The following CACNA1C variants were observed in gnomAD, a reference collection of about 807,000 sequenced individuals.
The protein encoded by CACNA1C is calcium voltage-gated channel subunit alpha1 C.
In CACNA1C, 30 loss-of-function variants were observed where a neutral mutation model predicts 229.0. That is an observed-to-expected ratio of 0.13 (90% CI 0.10 to 0.18). The LOEUF (loss-of-function observed/expected upper bound fraction) is 0.18. Among genes scored for constraint, CACNA1C ranks in the 10% least tolerant of loss-of-function variants. CACNA1C has a pLI of 1.00. For synonymous variants in CACNA1C, 1,114 were observed against 1,132.5 expected (o/e 0.98, Z 0.33); for missense variants, 1,658 against 2,845.0 (o/e 0.58, Z 9.49).
At chr12:2,268,550 C>A (rs1301332773) in intron 3 of CACNA1C, among the ~76,000 whole-genome samples, 1 of 152,084 alleles carries the variant, frequency 6.6e-6, no homozygotes, top group Non-Finnish European at 1.5e-5. Flanking sequence ...AGGTCACATT[C>A]GCCCCATGGT....
intron 1 of CACNA1C, among the ~76,000 whole-genome samples, chr12:2,036,351 G>T (rs2049137523): frequency 6.6e-6 from 1 of 152,162 alleles, no homozygotes; most frequent in Non-Finnish European, 1.5e-5. Context: ...ATCATCTATT[G>T]CACAGAAAAG....
intron 3 of CACNA1C, among the ~76,000 whole-genome samples, chr12:2,121,528 G>A (rs1026144003): frequency 6.6e-6 from 1 of 152,232 alleles, no homozygotes; most frequent in Non-Finnish European, 1.5e-5. Flanking sequence ...CCGCCTGCGG[G>A]CTGTGGTGTC....
At chr12:2,436,511 G>A (rs562614751) in intron 3 of CACNA1C, among the ~76,000 whole-genome samples, 46 of 152,316 alleles carry the variant, frequency 3.0e-4, no homozygotes, top group African/African-American at 9.9e-4. Context: ...TTGGCTGGGG[G>A]TTTGGGCTGA....
chr12:2,622,337 A>G (rs2083719854), intron 29 of CACNA1C, among the ~76,000 whole-genome samples: 1 of 152,084 alleles, frequency 6.6e-6, no homozygotes, highest in East Asian at 1.9e-4. Context: ...CTTGGAAACC[A>G]CAGGGATGGG....
At position 2,605,896 on chromosome 12, in the gene CACNA1C, G is replaced by A. The variant is rs569532012; in HGVS notation, c.3156+110G>A. Reference sequence around the variant, plus strand: ...CGAGACAGTGTCCTGAGCCAGACTTGGCTTGGATATAACCTCCACCTGCAG... The same window carrying A: ...CGAGACAGTGTCCTGAGCCAGACTTAGCTTGGATATAACCTCCACCTGCAG... On this transcript the variant is annotated intron_variant, in intron 24 of 46. Coordinates refer to ENST00000399655, the MANE Select transcript of CACNA1C (RefSeq NM_000719.7). This position sits in a 1 kb window ranked among gnomAD's most constrained non-coding sequence, Gnocchi z 6.2. 4.2e-4 allele frequency: 328 copies of A among 779,626 alleles called. 1 individual carries two copies. The Middle Eastern group carries it at 9.2e-3, about 22-fold the overall frequency. 48.3% of individuals were successfully genotyped at this position (779,626 alleles called of 1,614,324 possible).
At position 2,319,727 on chromosome 12, in the gene CACNA1C, G is replaced by A. The variant is rs2095877615; in HGVS notation, c.478-129249G>A. ...TGTCTGCAAATGTTGGTGCTCACGG[G>A]GGTGTGCTGGGCCGGGAGAGGATGA... On this transcript the variant is annotated intron_variant, in intron 3 of 46. Coordinates refer to ENST00000399655, the MANE Select transcript of CACNA1C (RefSeq NM_000719.7). This position sits in a 1 kb window ranked among gnomAD's most constrained non-coding sequence, Gnocchi z 4.0. 6.6e-6 allele frequency among the ~76,000 whole-genome samples: 1 copy of A among 152,112 alleles called. No individual in the cohort carries two copies.
chr12:2,311,676 A>AGT (rs1236477773), intron 3 of CACNA1C, among the ~76,000 whole-genome samples: 2 of 152,202 alleles, frequency 1.3e-5, no homozygotes, highest in African/African-American at 4.8e-5. Context: ...CAGAAATACA[A>AGT]GTGTGCCCTT....
intron 3 of CACNA1C, among the ~76,000 whole-genome samples, chr12:2,382,961 G>T (rs142690314): frequency 1.3e-5 from 2 of 152,252 alleles, no homozygotes; most frequent in East Asian, 3.9e-4. Flanking sequence ...TTAGCTCTGG[G>T]CTCAGCAGGC....
intron 39 of CACNA1C, among the ~76,000 whole-genome samples, chr12:2,675,160 C>T (rs143265896): frequency 3.9e-5 from 6 of 152,226 alleles, no homozygotes; most frequent in African/African-American, 1.4e-4. Context: ...TTACTATGAT[C>T]CTGAATGAAA....
intron 1 of CACNA1C, among the ~76,000 whole-genome samples, chr12:2,090,503 A>G (rs1366327337): frequency 6.6e-6 from 1 of 151,858 alleles, no homozygotes; most frequent in African/African-American, 2.4e-5. Flanking sequence ...TTCTTAGTAG[A>G]GACAGGGTTT....
rs764411892 is a variant in CACNA1C, at chr12:2,493,317, C to T, written c.1044C>T (p.Asn348=). The change falls in exon 7 of 47, where the codon AAC becomes AAT. Residue 348 remains asparagine, a synonymous_variant. Coordinates refer to ENST00000399655, the MANE Select transcript of CACNA1C (RefSeq NM_000719.7). The surrounding 1 kb of genome is among the most constrained non-coding windows in gnomAD (Gnocchi z 4.6). ...AGCACGGCATCACCAACTTTGACAA[C>T]TTTGCCTTCGCCATGCTCACGGTGT... ...GPKHGITNFD[N]FAFAMLTVFQ... is the part of the protein sequence containing the mutation. 1.2e-6 allele frequency: 2 copies of T among 1,614,144 alleles called. No individual in the cohort carries two copies. The highest frequency in any genetic ancestry group is 1.7e-6 in the Non-Finnish European group (2 of 1,179,980).
chr12:2,204,971 CAAAA>C (rs1001449430), intron 3 of CACNA1C, among the ~76,000 whole-genome samples: 12 of 148,422 alleles, frequency 8.1e-5, no homozygotes, highest in African/African-American at 3.0e-4. Context: ...AAAACAAAAA[CAAAA>C]AAAAAACCTC....
chr12:2,262,878 T>C (rs2080869826), intron 3 of CACNA1C, among the ~76,000 whole-genome samples: 2 of 151,450 alleles, frequency 1.3e-5, no homozygotes, highest in Non-Finnish European at 2.9e-5. Flanking sequence ...GGCTGGGCAT[T>C]GTTGTAGGTG....
Position 2,601,627 on chromosome 12 carries a change from G to A in CACNA1C, c.2854-227G>A, listed in dbSNP as rs914908598. Among the ~76,000 whole-genome samples the A allele has an allele frequency of 1.3e-5, 2 of 152,254 alleles. No individual in the cohort carries two copies. The highest frequency in any genetic ancestry group is 2.9e-5 in the Non-Finnish European group (2 of 68,040). On this transcript the variant is annotated intron_variant, in intron 21 of 46. Transcript: ENST00000399655. The surrounding 1 kb of genome is among the most constrained non-coding windows in gnomAD (Gnocchi z 5.9). ...AAGAGCCTGGCTTGGCCTGGCAGGTGCAAGGAGCCACCCAGCAGTCCTGGG... is the reference window on the plus strand; with the variant it reads ...AAGAGCCTGGCTTGGCCTGGCAGGTACAAGGAGCCACCCAGCAGTCCTGGG...
rs151197009 is a variant in CACNA1C at position 2,490,085 on chromosome 12, T to C, written c.917-3105T>C. Among the ~76,000 whole-genome samples the C allele has an allele frequency of 1.3e-4, 20 of 152,390 alleles. No individual in the cohort carries two copies. The East Asian group carries it at 3.5e-3, about 26-fold the overall frequency. On this transcript the variant is annotated intron_variant, in intron 6 of 46. Coordinates refer to ENST00000399655, the MANE Select transcript of CACNA1C (RefSeq NM_000719.7). ...ATAGATACCTATTTTTACCAGATCA[T>C]CACTGCTTCTTAATTGTTCTCAAAT...
chr12:2,327,612 G>A (rs1379316327), intron 3 of CACNA1C, among the ~76,000 whole-genome samples: 3 of 152,168 alleles, frequency 2.0e-5, no homozygotes, highest in Non-Finnish European at 2.9e-5. Flanking sequence ...GTGTTCGTGT[G>A]GTGTGAGCAG....
At position 2,582,958 on chromosome 12, in the gene CACNA1C, G is replaced by GC; in HGVS notation, c.2224+22dup. ...TGTGGAAACTGTATCCTTTGCTGCTGCCCCCCACCCCTGCGGCCCCCAGCC... is the reference window on the plus strand; with the variant it reads ...TGTGGAAACTGTATCCTTTGCTGCTGCCCCCCCACCCCTGCGGCCCCCAGCC... On this transcript the variant is annotated intron_variant, in intron 15 of 46. Coordinates refer to ENST00000399655, the MANE Select transcript of CACNA1C (RefSeq NM_000719.7). 1.3e-6 allele frequency: 2 copies of GC among 1,542,994 alleles called. No individual in the cohort carries two copies. Among genetic ancestry groups the GC allele is most frequent in the South Asian group, 1.2e-5 (1 of 83,862 alleles).
chr12:1,972,103 T>C (rs1308775650), intron 1 of CACNA1C, among the ~76,000 whole-genome samples: 1 of 152,232 alleles, frequency 6.6e-6, no homozygotes, highest in Non-Finnish European at 1.5e-5. Flanking sequence ...TTCTTAGCAT[T>C]CAGCAAGGAA....
Position 2,674,537 on chromosome 12 carries a change from G to T in CACNA1C, c.4727-4G>T. 1 of 1,557,340 alleles carries T rather than the reference G, an allele frequency of 6.4e-7. No homozygotes were observed. The highest frequency in any genetic ancestry group is 1.2e-5 in the South Asian group (1 of 84,338). ...AGGGGCTGAGGATCCTTTCCGCCCTGCAGGGAACCTAGAACAAGCCAATGA... is the reference window on the plus strand; with the variant it reads ...AGGGGCTGAGGATCCTTTCCGCCCTTCAGGGAACCTAGAACAAGCCAATGA... On this transcript the variant is annotated splice_region_variant and splice_polypyrimidine_tract_variant and intron_variant, in intron 38 of 46. Coordinates refer to ENST00000399655, the MANE Select transcript of CACNA1C (RefSeq NM_000719.7).
Sources: gnomAD v4.1 joint callset for allele counts (sites outside exome capture counted in the v4.1 genomes callset) on GRCh38, gnomAD v4.1.1 for gene constraint, Gnocchi (gnomAD v3.1) non-coding constraint, MANE v1.5 for transcripts, NCBI Gene and HGNC (gene_info 2026-07-23, HGNC 2026-07-21) for gene names.